The following EYS variants were observed in gnomAD, a reference collection of about 807,000 sequenced individuals.
EYS encodes the protein protein eyes shut homolog.
EYS carries 250 observed loss-of-function variants against 282.1 expected under a neutral mutation model. That is an observed-to-expected ratio of 0.89 (90% CI 0.80 to 0.98). The LOEUF is 0.98. Ranked by LOEUF, EYS falls within the 50% of genes least tolerant of loss-of-function variation. The pLI is 0.00. For missense variants in EYS, 4,016 were observed against 3,709.0 expected (o/e 1.08, Z -2.15); for synonymous variants, 1,355 against 1,282.9 (o/e 1.06, Z -1.20).
chr6:64,139,334 G>A (rs1774262800), intron 31 of EYS, among the ~76,000 whole-genome samples: 1 of 152,228 alleles, frequency 6.6e-6, no homozygotes, highest in South Asian at 2.1e-4. Context: ...CTTTAAAGGG[G>A]AGATATAAGG....
At chr6:65,350,093 A>G (rs1770543642) in intron 9 of EYS, among the ~76,000 whole-genome samples, 1 of 151,484 alleles carries the variant, frequency 6.6e-6, no homozygotes, top group African/African-American at 2.4e-5. Context: ...ACTTACTATA[A>G]GTGATATGAA....
intron 2 of EYS, among the ~76,000 whole-genome samples, chr6:65,628,394 A>G (rs1478835427): frequency 6.6e-6 from 1 of 152,192 alleles, no homozygotes; most frequent in East Asian, 1.9e-4. Context: ...TCCACCAATC[A>G]GCAGGATGTG....
chr6:64,747,461 G>A (rs975590136), intron 22 of EYS, among the ~76,000 whole-genome samples: 5 of 152,070 alleles, frequency 3.3e-5, no homozygotes, highest in Admixed American at 1.3e-4. Context: ...TGCAACCTCC[G>A]CCTCCCCGGT....
At chr6:64,542,398 G>C (rs2149799822) in intron 26 of EYS, among the ~76,000 whole-genome samples, 2 of 151,974 alleles carry the variant, frequency 1.3e-5, no homozygotes, top group South Asian at 4.2e-4. Context: ...TCTTCCCTTA[G>C]GGAGGAAAAA....
intron 13 of EYS, among the ~76,000 whole-genome samples, chr6:64,999,295 T>C (rs1487201026): frequency 6.6e-6 from 1 of 152,240 alleles, no homozygotes; most frequent in African/African-American, 2.4e-5. Context: ...ATGTAATTTG[T>C]TAACCACGGG....
chr6:63,720,367 C>G lies in EYS; in HGVS notation c.*229G>C. On this transcript the variant is annotated 3_prime_UTR_variant, in exon 43 of 43. Transcript: ENST00000503581. ...GCACATTCTGTGAATAAGCACTGAACTAATGGAGTTAAAACATGAATCAAA... is the reference window on the plus strand; with the variant it reads ...GCACATTCTGTGAATAAGCACTGAAGTAATGGAGTTAAAACATGAATCAAA... 1 of 460,746 alleles carries G rather than the reference C, an allele frequency of 2.2e-6. No homozygotes were observed. Among genetic ancestry groups the G allele is most frequent in the Non-Finnish European group, 3.8e-6 (1 of 263,274 alleles). 28.5% of individuals were successfully genotyped at this position (460,746 alleles called of 1,614,324 possible). A position where few individuals can be genotyped will look rare whatever the true frequency, so the allele number is the denominator to read the frequency against.
At chr6:64,821,444 G>T (rs954219718) in intron 21 of EYS, among the ~76,000 whole-genome samples, 15 of 151,538 alleles carry the variant, frequency 9.9e-5, no homozygotes, top group African/African-American at 3.6e-4. Context: ...AAGAGACAAA[G>T]AAAGAAAAGG....
At chr6:65,104,193 A>G (rs1452304206) in intron 12 of EYS, among the ~76,000 whole-genome samples, 3 of 151,458 alleles carry the variant, frequency 2.0e-5, no homozygotes, top group Admixed American at 1.3e-4. Context: ...ATCACTTCCA[A>G]TGTTTTTCTA....
chr6:63,885,809 A>AAAAAG (rs1454529074), intron 35 of EYS, among the ~76,000 whole-genome samples: 7 of 152,290 alleles, frequency 4.6e-5, no homozygotes, highest in Admixed American at 2.0e-4. Context: ...ATTCGGGACT[A>AAAAAG]AAAAGAAAAT....
intron 29 of EYS, among the ~76,000 whole-genome samples, chr6:64,323,450 T>G (rs1178605949): frequency 6.6e-6 from 1 of 152,142 alleles, no homozygotes; most frequent in Non-Finnish European, 1.5e-5. Context: ...TTTCCATTTT[T>G]GGCTAGTGTG....
intron 5 of EYS, among the ~76,000 whole-genome samples, chr6:65,483,045 T>C (rs1331748280): frequency 6.6e-6 from 1 of 152,186 alleles, no homozygotes; most frequent in African/African-American, 2.4e-5. Context: ...AAAATTTGAA[T>C]AAATCACTTT....
intron 31 of EYS, among the ~76,000 whole-genome samples, chr6:64,096,194 T>C (rs1248038119): frequency 6.6e-6 from 1 of 152,222 alleles, no homozygotes; most frequent in Non-Finnish European, 1.5e-5. Context: ...ATTTTATCCT[T>C]CATTTCAACT....
At chr6:64,146,713 C>A (rs1471980188) in intron 31 of EYS, among the ~76,000 whole-genome samples, 1 of 152,100 alleles carries the variant, frequency 6.6e-6, no homozygotes, top group African/African-American at 2.4e-5. Flanking sequence ...TTTCCCTCCA[C>A]TCCAGCTAAG....
chr6:64,189,288 TA>T (rs1447826856), intron 31 of EYS, among the ~76,000 whole-genome samples: 4 of 152,232 alleles, frequency 2.6e-5, no homozygotes, highest in African/African-American at 9.6e-5. Flanking sequence ...CTGGGCCAAA[TA>T]TGGCCCACCA....
chr6:64,194,721 T>C (rs1260935376), intron 31 of EYS, among the ~76,000 whole-genome samples: 1 of 152,116 alleles, frequency 6.6e-6, no homozygotes, highest in African/African-American at 2.4e-5. Context: ...GTGGTTGGGG[T>C]CAGTGTTATA....
chr6:64,721,012 TATATTCTC>T (rs139346024), intron 22 of EYS, among the ~76,000 whole-genome samples: 143,360 of 152,148 alleles, frequency 0.94, 67,973 homozygotes, highest in East Asian at 1. Flanking sequence ...AAGGTGTTTT[TATATTCTC>T]TAAGCCAAAT....
At chr6:64,693,231 A>G (rs1317060563) in intron 22 of EYS, among the ~76,000 whole-genome samples, 1 of 151,696 alleles carries the variant, frequency 6.6e-6, no homozygotes, top group Non-Finnish European at 1.5e-5. Context: ...TTTTCATTTT[A>G]ATTCTTCCCA....
chr6:64,541,630 T>C (rs1764697890), intron 26 of EYS, among the ~76,000 whole-genome samples: 1 of 152,194 alleles, frequency 6.6e-6, no homozygotes, highest in Non-Finnish European at 1.5e-5. Context: ...CCTTCCATAT[T>C]TGCTATTCTT....
intron 35 of EYS, among the ~76,000 whole-genome samples, chr6:63,982,208 T>G (rs894682969): frequency 1.3e-5 from 2 of 151,844 alleles, no homozygotes; most frequent in Non-Finnish European, 2.9e-5. Context: ...GAGAGTGTGT[T>G]AGTTTTCTAT....
Sources: allele counts gnomAD v4.1 joint callset (sites outside exome capture counted in the v4.1 genomes callset), GRCh38; gene constraint gnomAD v4.1.1; transcripts MANE v1.5; gene names NCBI Gene and HGNC (gene_info 2026-07-23, HGNC 2026-07-21).